The following LRRFIP2 variants were observed in gnomAD, a reference collection of about 807,000 sequenced individuals.
LRRFIP2 encodes the protein leucine-rich repeat flightless-interacting protein 2.
LRRFIP2 carries 109 observed loss-of-function variants against 125.9 expected under a neutral mutation model. That is an observed-to-expected ratio of 0.87 (90% CI 0.74 to 1.01). LRRFIP2 has a LOEUF of 1.01. LRRFIP2 is among the 50% of genes least tolerant of loss of function. The pLI, the probability that LRRFIP2 is intolerant of heterozygous loss-of-function variation, is 0.00. For missense variants in LRRFIP2, 850 were observed against 862.3 expected (o/e 0.99, Z 0.18); for synonymous variants, 291 against 293.1 (o/e 0.99, Z 0.07).
intron 3 of LRRFIP2, 97 bp downstream of exon 3, chr3:37,128,966 A>G (rs769149839): frequency 2.0e-5 from 22 of 1,076,772 alleles, no homozygotes; most frequent in East Asian, 9.5e-5. Context: ...ACTATTTTCA[A>G]TGTTTCAAAG....
At chr3:37,168,257 C>G (rs934509224) in intron 1 of LRRFIP2, among the ~76,000 whole-genome samples, 1 of 152,062 alleles carries the variant, frequency 6.6e-6, no homozygotes, top group Non-Finnish European at 1.5e-5. Context: ...TGGCACTATT[C>G]CCAAAAGCAG....
chr3:37,108,314 C>T (rs977222593), intron 12 of LRRFIP2, among the ~76,000 whole-genome samples, 185 bp from the exon 13 acceptor site: 1 of 152,244 alleles, frequency 6.6e-6, no homozygotes, highest in Non-Finnish European at 1.5e-5. Flanking sequence ...CTAGAGGGAG[C>T]GAAGAGGAAG....
chr3:37,129,526 A>C (rs972970218), intron 2 of LRRFIP2, among the ~76,000 whole-genome samples: 2 of 152,194 alleles, frequency 1.3e-5, no homozygotes, highest in Non-Finnish European at 2.9e-5. Context: ...CACTGCCAAT[A>C]ATCAGTCTCC....
At chr3:37,151,546 T>C (rs892970069) in intron 1 of LRRFIP2, among the ~76,000 whole-genome samples, 1 of 152,080 alleles carries the variant, frequency 6.6e-6, no homozygotes, top group Non-Finnish European at 1.5e-5. Flanking sequence ...CTGGTGGAAA[T>C]GTAAACTAGT....
At chr3:37,071,427 G>C (rs2091164890) in intron 21 of LRRFIP2, among the ~76,000 whole-genome samples, 1 of 152,012 alleles carries the variant, frequency 6.6e-6, no homozygotes, top group Non-Finnish European at 1.5e-5. Context: ...GCCCAAGCTG[G>C]TCTCAAGCTC....
intron 9 of LRRFIP2, 93 bp downstream of exon 9, chr3:37,110,898 G>C (rs974372733): frequency 7.2e-5 from 79 of 1,096,472 alleles, no homozygotes; most frequent in Non-Finnish European, 1.0e-4. Flanking sequence ...GCCATTTACA[G>C]ATTAGTTACA....
At chr3:37,175,894 C>A (rs1465578476), upstream of LRRFIP2, 2 of 152,320 alleles carry the variant, frequency 1.3e-5, no homozygotes, top group Non-Finnish European at 2.9e-5. Flanking sequence ...CAGGGGGCGA[C>A]CCCAGCCCGG....
chr3:37,146,239 T>A (rs977128479), intron 2 of LRRFIP2, among the ~76,000 whole-genome samples: 4 of 152,138 alleles, frequency 2.6e-5, no homozygotes, highest in Non-Finnish European at 5.9e-5. Context: ...TTTGTGCAAA[T>A]AGTTAAGATC....
At chr3:37,081,104 A>T (rs188267893) in intron 19 of LRRFIP2, among the ~76,000 whole-genome samples, 2 of 152,300 alleles carry the variant, frequency 1.3e-5, no homozygotes, top group East Asian at 1.9e-4. Flanking sequence ...AAAGATTTTT[A>T]AAAAACAGCC....
intron 17 of LRRFIP2, 46 bp from the exon 18 acceptor site, chr3:37,091,584 G>T: frequency 7.5e-7 from 1 of 1,339,932 alleles, no homozygotes; most frequent in Non-Finnish European, 1.0e-6. Flanking sequence ...ATGCACAAAC[G>T]TATCTTAAAT....
intron 16 of LRRFIP2, among the ~76,000 whole-genome samples, chr3:37,095,608 A>G (rs1323088398): frequency 6.6e-6 from 1 of 152,140 alleles, no homozygotes; most frequent in Non-Finnish European, 1.5e-5. Context: ...AGAATGAAAT[A>G]TATCTCATTA....
At chr3:37,156,023 C>T (rs781094734) in intron 1 of LRRFIP2, among the ~76,000 whole-genome samples, 2 of 152,076 alleles carry the variant, frequency 1.3e-5, no homozygotes, top group Non-Finnish European at 2.9e-5. Flanking sequence ...AACAGGCGTA[C>T]ACCACTGCAT....
intron 23 of LRRFIP2, chr3:37,065,595 A>G (rs1182054950): frequency 2.9e-6 from 2 of 689,508 alleles, no homozygotes; most frequent in South Asian, 1.5e-5. Context: ...CAGGCCTTAC[A>G]GTTACACTTA....
At chr3:37,164,419 C>A (rs1010417081) in intron 1 of LRRFIP2, among the ~76,000 whole-genome samples, 2 of 152,078 alleles carry the variant, frequency 1.3e-5, no homozygotes. Context: ...ATTTTTTAAA[C>A]AAAAATTGGT....
At chr3:37,135,251 G>A in intron 2 of LRRFIP2, 1 of 603,450 alleles carries the variant, frequency 1.7e-6, no homozygotes, top group Non-Finnish European at 3.0e-6. Context: ...ACTAGGTCAG[G>A]AGTTCAAGAC....
chr3:37,121,770 C>A, intron 4 of LRRFIP2, 79 bp from the exon 5 acceptor site: 1 of 1,364,346 alleles, frequency 7.3e-7, no homozygotes, highest in South Asian at 1.2e-5. Context: ...AAAGAGCAGT[C>A]AGTTAACAGC....
chr3:37,134,798 C>T (rs934795344), intron 2 of LRRFIP2: 32 of 832,302 alleles, frequency 3.8e-5, no homozygotes, highest in Non-Finnish European at 5.9e-5. Context: ...CATATCAAAG[C>T]GGTGTATTCT....
intron 16 of LRRFIP2, among the ~76,000 whole-genome samples, chr3:37,095,317 A>G (rs977957945): frequency 1.3e-5 from 2 of 152,158 alleles, no homozygotes; most frequent in Non-Finnish European, 2.9e-5. Flanking sequence ...CTGCTTATCA[A>G]TCTCTTCTTT....
At chr3:37,119,683 C>T (rs574172273) in intron 6 of LRRFIP2, among the ~76,000 whole-genome samples, 3 of 152,180 alleles carry the variant, frequency 2.0e-5, no homozygotes, top group Admixed American at 6.5e-5. Flanking sequence ...TATTTTGAGA[C>T]AGAGTATCAC....
Sources: allele counts gnomAD v4.1 joint callset (sites outside exome capture counted in the v4.1 genomes callset), GRCh38; gene constraint gnomAD v4.1.1; transcripts MANE v1.5; gene names NCBI Gene and HGNC (gene_info 2026-07-23, HGNC 2026-07-21).